The following KBTBD8 variants were observed in gnomAD, a reference collection of about 807,000 sequenced individuals.
KBTBD8 encodes kelch repeat and BTB domain containing 8.
A neutral mutation model predicts 53.5 loss-of-function variants in KBTBD8; 31 were observed. The ratio of observed to expected loss-of-function variants is 0.58; its 90% CI spans 0.44 to 0.78. The LOEUF (loss-of-function observed/expected upper bound fraction) is 0.78. KBTBD8 is among the 30% of genes least tolerant of loss of function. KBTBD8 has a pLI of 0.00. For synonymous variants in KBTBD8, 250 were observed against 247.3 expected (o/e 1.01, Z -0.10); for missense variants, 642 against 735.8 (o/e 0.87, Z 1.48).
chr3:67,006,291 A>T (rs1050011802), intron 3 of KBTBD8, among the ~76,000 whole-genome samples: 5 of 152,252 alleles, frequency 3.3e-5, no homozygotes, highest in Non-Finnish European at 7.3e-5. Flanking sequence ...TGCAAATACT[A>T]AAGCAAACTA....
rs1193619888 is a variant in KBTBD8 at position 67,011,176 on chromosome 3, T to C, written c.*2791T>C. ...TTTTTTGCATTTTTACCTGATGTCA[T>C]TGTTTCTTATAATAAAACCTTTTCT... is the stretch of plus-strand genomic sequence containing the variant. On this transcript the variant is annotated 3_prime_UTR_variant, in exon 4 of 4. Transcript: ENST00000417314. The C allele has an allele frequency of 6.6e-6, 1 of 152,646 alleles. No individual in the cohort carries two copies. Among genetic ancestry groups the C allele is most frequent in the Non-Finnish European group, 1.5e-5 (1 of 68,042 alleles). 9.5% of individuals were successfully genotyped at this position (152,646 alleles called of 1,614,324 possible).
chr3:67,003,592 C>A lies in KBTBD8; in HGVS notation c.625C>A (p.Arg209=). The part of the protein sequence containing the change: ...ILDSDDLNVD[R]EEHVYESIIR... ...AGACAGTGACGATTTAAATGTAGAC[C>A]GAGAAGAGCATGTTTATGAAAGCAT... The change falls in exon 3 of 4, where the codon CGA becomes AGA. Residue 209 remains arginine, a synonymous_variant. Coordinates refer to ENST00000417314, the MANE Select transcript of KBTBD8 (RefSeq NM_032505.3). The A allele has an allele frequency of 1.2e-6, 2 of 1,613,738 alleles. No individual in the cohort carries two copies. Among genetic ancestry groups the A allele is most frequent in the Non-Finnish European group, 1.7e-6 (2 of 1,179,822 alleles).
In KBTBD8 at chr3:67,009,307, C is replaced by T. The variant is rs112791213; in HGVS notation, c.*922C>T. The stretch of plus-strand genomic sequence containing the variant: ...GGACTCAATCTTAGAATAGTAGGAA[C>T]ATTATACCCAGTTTGCACTAACATG... On this transcript the variant is annotated 3_prime_UTR_variant, in exon 4 of 4. Transcript: ENST00000417314. 6.5e-6 allele frequency: 1 copy of T among 152,704 alleles called. No homozygotes were observed. The highest frequency in any genetic ancestry group is 2.4e-5 in the African/African-American group (1 of 41,568). The allele number at this position is 152,704 out of a possible 1,614,324, so 9.5% of individuals were successfully genotyped here. A position where few individuals can be genotyped will look rare whatever the true frequency, so the allele number is the denominator to read the frequency against.
chr3:67,007,892 A>G (rs1388704677), intron 3 of KBTBD8, 30 bp from the exon 4 acceptor site: 1 of 1,311,200 alleles, frequency 7.6e-7, no homozygotes, highest in Non-Finnish European at 1.0e-6. Context: ...AAAAATTTAC[A>G]TATTCTTGTT....
At chr3:67,002,405 A>C (rs961000123) in intron 2 of KBTBD8, among the ~76,000 whole-genome samples, 1 of 151,750 alleles carries the variant, frequency 6.6e-6, no homozygotes, top group Non-Finnish European at 1.5e-5. Context: ...TTTTAAAGAT[A>C]TATTTTGGAT....
chr3:67,000,509 T>C (rs1448417321), intron 2 of KBTBD8, among the ~76,000 whole-genome samples: 5 of 152,210 alleles, frequency 3.3e-5, no homozygotes, highest in Non-Finnish European at 7.4e-5. Context: ...TGCATAGTTG[T>C]TGTTCCATTT....
At position 66,999,144 on chromosome 3, in the gene KBTBD8, A is replaced by G; in HGVS notation, c.180A>G (p.Thr60=). Residue 60 remains threonine (T), a synonymous_variant, in exon 2 of 4, where the codon ACA becomes ACG. Coordinates refer to ENST00000417314, the MANE Select transcript of KBTBD8 (RefSeq NM_032505.3). ...TAGTGGAAGTGGATCACGGGAAAAC[A>G]TTTTCCTGTCATAGAAACGTTCTTG... ...DIVVEVDHGK[T]FSCHRNVLAA... 6.2e-7 allele frequency: 1 copy of G among 1,614,150 alleles called. No homozygotes were observed. Among genetic ancestry groups the G allele is most frequent in the South Asian group, 1.1e-5 (1 of 91,084 alleles).
rs1327008363 is a variant in KBTBD8, at chr3:67,009,977, G to A, written c.*1592G>A. 6.6e-6 allele frequency: 1 copy of A among 152,530 alleles called. No homozygotes were observed. Among genetic ancestry groups the A allele is most frequent in the African/African-American group, 2.4e-5 (1 of 41,440 alleles). 9.4% of individuals were successfully genotyped at this position (152,530 alleles called of 1,614,324 possible). On this transcript the variant is annotated 3_prime_UTR_variant, in exon 4 of 4. Coordinates refer to ENST00000417314, the MANE Select transcript of KBTBD8 (RefSeq NM_032505.3). ...TCGTTTTTCAGAAACTTTCCAAACT[G>A]CTTTACATAGACCTCTACAAGTAGG...
intron 3 of KBTBD8, among the ~76,000 whole-genome samples, chr3:67,007,319 G>GTTTT (rs35767804): frequency 2.2e-5 from 3 of 134,396 alleles, no homozygotes; most frequent in African/African-American, 5.5e-5. Flanking sequence ...TCAAGTTTGT[G>GTTTT]TTTTTTTTTT....
rs771619754 is a variant in KBTBD8 at position 66,999,052 on chromosome 3, T to C, written c.88T>C (p.Phe30Leu). The change falls in exon 2 of 4, where the codon TTC (phenylalanine) becomes CTC (leucine). Residue 30 changes from phenylalanine (F) to leucine (L), a missense_variant. Phe to Leu is a conservative substitution (Grantham distance 22). Transcript: ENST00000417314. ...SDPASDAMDP[F>L]HACSILKQLK... ...CCCAGCCAGCGATGCCATGGACCCC[T>C]TCCATGCTTGCAGTATTCTTAAGCA... 14 of 1,614,134 alleles carry C rather than the reference T, an allele frequency of 8.7e-6. No homozygotes were observed. The South Asian group carries it at 1.4e-4, about 16-fold the overall frequency.
chr3:67,008,067 G>C lies in KBTBD8; in HGVS notation c.1488G>C (p.Met496Ile). The C allele has an allele frequency of 1.2e-6, 2 of 1,614,080 alleles. No homozygotes were observed. Among genetic ancestry groups the C allele is most frequent in the Middle Eastern group, 1.7e-4 (1 of 6,058 alleles). ...IAGTCGNHQR[M>I]FTVEAYDIEL... ...GAACCTGTGGAAATCATCAACGTAT[G>C]TTTACTGTAGAAGCCTATGATATTG... The change falls in exon 4 of 4, where the codon ATG (methionine) becomes ATC (isoleucine). Residue 496 changes from methionine (M) to isoleucine (I), a missense_variant. Transcript: ENST00000417314.
intron 1 of KBTBD8, 148 bp downstream of exon 1, chr3:66,998,519 A>G: frequency 3.1e-6 from 2 of 636,208 alleles, no homozygotes; most frequent in Non-Finnish European, 4.8e-6. Flanking sequence ...AGGGAGGATG[A>G]ATGGTGCGGA....
intron 1 of KBTBD8, 150 bp downstream of exon 1, chr3:66,998,521 T>C (rs957719861): frequency 1.2e-5 from 6 of 484,582 alleles, no homozygotes; most frequent in Admixed American, 4.4e-5. Context: ...GGAGGATGAA[T>C]GGTGCGGAGG....
chr3:67,010,403 G>A lies in KBTBD8; in HGVS notation c.*2018G>A, dbSNP rs1702107128. On this transcript the variant is annotated 3_prime_UTR_variant, in exon 4 of 4. Coordinates refer to ENST00000417314, the MANE Select transcript of KBTBD8 (RefSeq NM_032505.3). ...AAACATGACATAGAACATTGAGTTA[G>A]CAATTTACATGGGCTGTATGTTATA... The A allele has an allele frequency of 6.6e-6, 1 of 152,526 alleles. No homozygotes were observed. The highest frequency in any genetic ancestry group is 1.5e-5 in the Non-Finnish European group (1 of 67,986). 9.4% of individuals were successfully genotyped at this position (152,526 alleles called of 1,614,324 possible).
rs1372679855 is a variant in KBTBD8, at chr3:66,999,172, G to C, written c.208G>C (p.Ala70Pro). 6.2e-7 allele frequency: 1 copy of C among 1,614,176 alleles called. No homozygotes were observed. The highest frequency in any genetic ancestry group is 8.5e-7 in the Non-Finnish European group (1 of 1,179,994). Reference protein sequence around the residue: ...TFSCHRNVLAAISPYFRSMFT... With the variant: ...TFSCHRNVLAPISPYFRSMFT... ...TTCCTGTCATAGAAACGTTCTTGCT[G>C]CAATCAGCCCTTACTTCAGGTATGA... Residue 70 changes from alanine (A) to proline (P), a missense_variant, in exon 2 of 4, where the codon GCA becomes CCA. By Grantham distance (27) the Ala-to-Pro change is conservative. Coordinates refer to ENST00000417314, the MANE Select transcript of KBTBD8 (RefSeq NM_032505.3).
chr3:67,003,595 GAA>G lies in KBTBD8; in HGVS notation c.629_630del (p.Glu210GlyfsTer5). ...LDSDDLNVDR[E>X]EHVYESIIRW... ...CAGTGACGATTTAAATGTAGACCGA[GAA>G]GAGCATGTTTATGAAAGCATTATAA... is the stretch of plus-strand genomic sequence containing the variant. On this transcript the variant is annotated frameshift_variant, in exon 3 of 4. Coordinates refer to ENST00000417314, the MANE Select transcript of KBTBD8 (RefSeq NM_032505.3). LOFTEE classifies it high-confidence loss of function. 1 of 1,613,962 alleles carries G rather than the reference GAA, an allele frequency of 6.2e-7. No homozygotes were observed. Among genetic ancestry groups the G allele is most frequent in the Non-Finnish European group, 8.5e-7 (1 of 1,179,896 alleles).
intron 2 of KBTBD8, among the ~76,000 whole-genome samples, chr3:67,001,313 C>T (rs572940313): frequency 1.2e-4 from 19 of 152,228 alleles, no homozygotes; most frequent in African/African-American, 4.1e-4. Context: ...AGAATTAGAA[C>T]GGCTGGAAAT....
intron 3 of KBTBD8, among the ~76,000 whole-genome samples, chr3:67,006,689 A>T (rs1702066439): frequency 6.6e-6 from 1 of 152,220 alleles, no homozygotes; most frequent in Admixed American, 6.5e-5. Context: ...GATAAGAGTA[A>T]CCCTAGTTCA....
chr3:67,007,905 C>CTTTTT lies in KBTBD8; in HGVS notation c.1343-7_1343-3dup. 2 of 1,161,952 alleles carry CTTTTT rather than the reference C, an allele frequency of 1.7e-6. No homozygotes were observed. The highest frequency in any genetic ancestry group is 1.2e-6 in the Non-Finnish European group (1 of 848,436). 72.0% of individuals were successfully genotyped at this position (1,161,952 alleles called of 1,614,324 possible). On this transcript the variant is annotated splice_polypyrimidine_tract_variant and intron_variant, in intron 3 of 3. Coordinates refer to ENST00000417314, the MANE Select transcript of KBTBD8 (RefSeq NM_032505.3). Reference sequence around the variant, plus strand: ...ATAAAAATTTACATATTCTTGTTTTCTTTTTTTTTTTTTTAGGAGAATTTT... The same window carrying CTTTTT: ...ATAAAAATTTACATATTCTTGTTTTCTTTTTTTTTTTTTTTTTTTAGGAGAATTTT...
Sources: allele counts gnomAD v4.1 joint callset (sites outside exome capture counted in the v4.1 genomes callset), GRCh38; gene constraint gnomAD v4.1.1; transcripts MANE v1.5; gene names NCBI Gene and HGNC (gene_info 2026-07-23, HGNC 2026-07-21).